The following MAGI2 variants were observed in gnomAD, a reference collection of about 807,000 sequenced individuals.
MAGI2 encodes membrane associated guanylate kinase, WW and PDZ domain containing 2, also known as membrane-associated guanylate kinase, WW and PDZ domain-containing protein 2.
A neutral mutation model predicts 133.3 loss-of-function variants in MAGI2; 35 were observed. The observed-to-expected ratio is 0.26, with a 90% CI of 0.20 to 0.35. MAGI2 has a LOEUF of 0.35. Among genes scored for constraint, MAGI2 ranks in the 10% least tolerant of loss-of-function variants. The pLI is 1.00. For missense variants in MAGI2, 1,636 were observed against 1,863.4 expected, an observed-to-expected ratio of 0.88 and a Z score of 2.25; for synonymous variants, 729 against 710.6, an observed-to-expected ratio of 1.03 and a Z score of -0.41.
chr7:78,710,333 G>C (rs1046601744), intron 2 of MAGI2, among the ~76,000 whole-genome samples: 1 of 152,090 alleles, frequency 6.6e-6, no homozygotes, highest in African/African-American at 2.4e-5. Context: ...TTGAGTCCAA[G>C]TACCCTGGGG....
At chr7:78,765,085 T>A (rs557208312) in intron 2 of MAGI2, among the ~76,000 whole-genome samples, 41 of 152,254 alleles carry the variant, frequency 2.7e-4, no homozygotes, top group African/African-American at 8.4e-4. Context: ...CTTGTTGATA[T>A]GGGTAGTAAA....
At chr7:78,899,152 C>T (rs1218756768) in intron 2 of MAGI2, among the ~76,000 whole-genome samples, 1 of 152,072 alleles carries the variant, frequency 6.6e-6, no homozygotes, top group East Asian at 1.9e-4. Flanking sequence ...GACACTTCTC[C>T]ATGACATTCA....
chr7:78,755,254 T>C (rs1823832969), intron 2 of MAGI2, among the ~76,000 whole-genome samples: 1 of 152,168 alleles, frequency 6.6e-6, no homozygotes, highest in Admixed American at 6.5e-5. Flanking sequence ...AGACAGAAAT[T>C]AGGAGTCTTG....
intron 4 of MAGI2, among the ~76,000 whole-genome samples, chr7:78,515,475 A>T (rs1049213168): frequency 6.6e-6 from 1 of 152,242 alleles, no homozygotes; most frequent in African/African-American, 2.4e-5. Context: ...AAGGAATGTA[A>T]TCAGTTGATA....
intron 3 of MAGI2, among the ~76,000 whole-genome samples, chr7:78,594,469 T>G (rs1804379674): frequency 6.6e-6 from 1 of 151,216 alleles, no homozygotes. Context: ...TTTTTTGTTG[T>G]TTTTTTTGAG....
intron 2 of MAGI2, among the ~76,000 whole-genome samples, chr7:78,736,092 TA>T (rs1821823905): frequency 1.3e-5 from 2 of 152,162 alleles, no homozygotes; most frequent in Non-Finnish European, 2.9e-5. Flanking sequence ...CAAAGAGAGA[TA>T]AGATCACATA....
chr7:78,588,182 T>G (rs572132480), intron 3 of MAGI2, among the ~76,000 whole-genome samples: 2 of 152,230 alleles, frequency 1.3e-5, no homozygotes, highest in Non-Finnish European at 2.9e-5. Context: ...CTCTTTTCTC[T>G]CCACCCGACA....
chr7:79,381,130 G>C (rs563569049), intron 1 of MAGI2, among the ~76,000 whole-genome samples: 2 of 118,052 alleles, frequency 1.7e-5, no homozygotes, highest in African/African-American at 8.0e-5. Context: ...TTACCATATC[G>C]GTGCTGCTCA....
chr7:79,291,867 T>C (rs1289159153), intron 1 of MAGI2, among the ~76,000 whole-genome samples: 2 of 152,196 alleles, frequency 1.3e-5, no homozygotes, highest in East Asian at 3.8e-4. Context: ...CTGTGAACTG[T>C]CATTCATTTT....
chr7:78,839,847 T>A (rs1419079110), intron 2 of MAGI2, among the ~76,000 whole-genome samples: 2 of 152,056 alleles, frequency 1.3e-5, no homozygotes, highest in African/African-American at 4.8e-5. Context: ...AATGGAAGAA[T>A]CAAAAATACC....
intron 1 of MAGI2, among the ~76,000 whole-genome samples, chr7:79,270,953 A>G (rs576441089): frequency 1.3e-5 from 2 of 152,040 alleles, no homozygotes; most frequent in African/African-American, 2.4e-5. Context: ...ATAATATTAC[A>G]CTATCTTGGT....
At chr7:78,112,679 G>A (rs765610249) in intron 20 of MAGI2, among the ~76,000 whole-genome samples, 41 of 152,190 alleles carry the variant, frequency 2.7e-4, no homozygotes, top group Admixed American at 2.4e-3. Context: ...TTCTGTTCAC[G>A]TATGCATTCA....
intron 2 of MAGI2, among the ~76,000 whole-genome samples, chr7:78,773,794 T>C (rs186265681): frequency 3.3e-5 from 5 of 152,328 alleles, no homozygotes; most frequent in African/African-American, 4.8e-5. Flanking sequence ...CGAGTGATCT[T>C]AAATGTTCTG....
At chr7:79,418,212 TA>T (rs1192684177) in intron 1 of MAGI2, among the ~76,000 whole-genome samples, 1 of 152,084 alleles carries the variant, frequency 6.6e-6, no homozygotes, top group Non-Finnish European at 1.5e-5. Context: ...ATAAAGTTTG[TA>T]AAGCCTTAGC....
In MAGI2 at chr7:79,444,241, T is replaced by C. The variant is rs1220475499; in HGVS notation, c.301+8779A>G. Among the ~76,000 whole-genome samples the C allele has an allele frequency of 2.0e-5, 3 of 152,192 alleles. No individual in the cohort carries two copies. The East Asian group carries it at 5.8e-4, about 29-fold the overall frequency. On this transcript the variant is annotated intron_variant, in intron 1 of 21. Coordinates refer to ENST00000354212, the MANE Select transcript of MAGI2 (RefSeq NM_012301.4). Reference sequence around the variant, plus strand: ...GGGCAAAAACTGGAAGCATTCCCTTTGAAAACTGGCTCAAGACAGGGATGC... The same window carrying C: ...GGGCAAAAACTGGAAGCATTCCCTTCGAAAACTGGCTCAAGACAGGGATGC...
intron 2 of MAGI2, among the ~76,000 whole-genome samples, chr7:78,987,339 T>A (rs868762730): frequency 1.3e-5 from 2 of 152,104 alleles, no homozygotes; most frequent in South Asian, 2.1e-4. Flanking sequence ...ATGACTATTA[T>A]GTTAATTTAA....
chr7:78,161,688 G>GAAAAAAAAAAAAAAAAAAAAAAAAAAA (rs397753924), intron 15 of MAGI2, among the ~76,000 whole-genome samples: 1 of 107,236 alleles, frequency 9.3e-6, no homozygotes, highest in Admixed American at 1.0e-4. Flanking sequence ...AAAAAAAAAA[G>GAAAAAAAAAAAAAAAAAAAAAAAAAAA]AAAAAAAAAA....
At chr7:78,445,162 C>T (rs1423540999) in intron 6 of MAGI2, among the ~76,000 whole-genome samples, 8 of 151,808 alleles carry the variant, frequency 5.3e-5, no homozygotes, top group Admixed American at 1.3e-4. Flanking sequence ...ACTTTAGTCA[C>T]GTCTAGTGAA....
intron 1 of MAGI2, among the ~76,000 whole-genome samples, chr7:79,256,980 A>C (rs1022366590): frequency 1.6e-4 from 24 of 152,146 alleles, no homozygotes; most frequent in Admixed American, 1.6e-3. Flanking sequence ...ATTGTACAAC[A>C]TGGTGACTAT....
Sources: allele counts gnomAD v4.1 joint callset (sites outside exome capture counted in the v4.1 genomes callset), GRCh38; gene constraint gnomAD v4.1.1; transcripts MANE v1.5; gene names NCBI Gene and HGNC (gene_info 2026-07-23, HGNC 2026-07-21).